Variants in AIG1 observed in about 807,000 individuals in gnomAD.
AIG1 encodes the protein androgen-induced gene 1 protein.
Under a neutral mutation model 31.4 loss-of-function variants are expected in AIG1, and 23 were observed. That is an observed-to-expected ratio of 0.73 (90% CI 0.53 to 1.04). The LOEUF (loss-of-function observed/expected upper bound fraction) is 1.04, where lower values mean the gene tolerates loss of function less well. Among genes scored for constraint, AIG1 ranks in the 50% least tolerant of loss-of-function variants. The pLI, the probability that AIG1 is intolerant of heterozygous loss-of-function variation, is 0.00. For synonymous variants in AIG1, 100 were observed against 110.5 expected, an observed-to-expected ratio of 0.90 and a Z score of 0.60; for missense variants, 274 against 295.0, an observed-to-expected ratio of 0.93 and a Z score of 0.52.
chr6:143,182,407 A>G (rs950165575), intron 3 of AIG1, among the ~76,000 whole-genome samples: 1 of 152,112 alleles, frequency 6.6e-6, no homozygotes, highest in African/African-American at 2.4e-5. Context: ...GAATCAGTAG[A>G]TGTTAATGGA....
chr6:143,098,613 T>C (rs1779996204), intron 1 of AIG1, among the ~76,000 whole-genome samples: 1 of 152,214 alleles, frequency 6.6e-6, no homozygotes, highest in African/African-American at 2.4e-5. Context: ...AGCCCCAGTC[T>C]CTCTTGAGCT....
In AIG1 at chr6:143,186,010, T is replaced by G. The variant is rs150748783; in HGVS notation, c.399+20827T>G. Among the ~76,000 whole-genome samples, 136 of 152,304 alleles carry G rather than the reference T, an allele frequency of 8.9e-4. 1 individual carries two copies. The highest frequency in any genetic ancestry group is 3.0e-3 in the African/African-American group (125 of 41,554). On this transcript the variant is annotated intron_variant, in intron 3 of 5. Coordinates refer to ENST00000357847, the MANE Select transcript of AIG1 (RefSeq NM_016108.4). ...GATTTATAATTTTCAGGATCCATAT[T>G]CTTCTTTCAAACAAACAGCACAGCT...
upstream of AIG1, chr6:143,060,501 A>G (rs548862151): frequency 2.2e-5 from 5 of 225,646 alleles, no homozygotes; most frequent in African/African-American, 1.1e-4. Context: ...CCCGGCGCCC[A>G]CTAGCCACAG....
At chr6:143,201,827 G>A (rs759140092) in intron 3 of AIG1, among the ~76,000 whole-genome samples, 7 of 152,210 alleles carry the variant, frequency 4.6e-5, no homozygotes, top group Non-Finnish European at 8.8e-5. Context: ...ATGATTTGGT[G>A]GAAAGATAGC....
intron 1 of AIG1, among the ~76,000 whole-genome samples, chr6:143,084,946 A>C (rs2128471420): frequency 6.6e-6 from 1 of 152,222 alleles, no homozygotes; most frequent in Middle Eastern, 3.4e-3. Context: ...CATTGACTTA[A>C]CTGTAACTGA....
chr6:143,263,918 C>A (rs1795977765), intron 3 of AIG1, among the ~76,000 whole-genome samples: 1 of 152,114 alleles, frequency 6.6e-6, no homozygotes, highest in Non-Finnish European at 1.5e-5. Flanking sequence ...GTGTTTATTT[C>A]TTTTATTTAG....
At chr6:143,253,148 G>A (rs748935402) in intron 3 of AIG1, among the ~76,000 whole-genome samples, 1 of 152,210 alleles carries the variant, frequency 6.6e-6, no homozygotes, top group Non-Finnish European at 1.5e-5. Context: ...CCGCACTCGA[G>A]GGCATGAATA....
At chr6:143,110,067 G>A (rs77931068) in intron 1 of AIG1, among the ~76,000 whole-genome samples, 6,484 of 152,192 alleles carry the variant, frequency 0.043, 193 homozygotes, top group Middle Eastern at 0.099. Context: ...TAGGAGGCAA[G>A]GATCATTTTT....
At position 143,325,307 on chromosome 6, in the gene AIG1, TTC is replaced by T. The variant is rs1286584657; in HGVS notation, c.516-7974_516-7973del. Reference sequence around the variant, plus strand: ...TTCCAAGGCCCTTTCATGGGCCCACTTCCTTCAGACCCTGTACTCTTCCTGGG... The same window carrying T: ...TTCCAAGGCCCTTTCATGGGCCCACTCTTCAGACCCTGTACTCTTCCTGGG... On this transcript the variant is annotated intron_variant, in intron 4 of 5. Transcript: ENST00000357847. This position sits in a 1 kb window ranked among gnomAD's most constrained non-coding sequence, Gnocchi z 4.3. 8.1e-3 allele frequency among the ~76,000 whole-genome samples: 1,234 copies of T among 152,316 alleles called. 7 individuals carry two copies. Among genetic ancestry groups the T allele is most frequent in the African/African-American group, 0.029 (1,185 of 41,566 alleles).
chr6:143,230,297 A>G (rs1793346983), intron 3 of AIG1, among the ~76,000 whole-genome samples: 1 of 151,848 alleles, frequency 6.6e-6, no homozygotes, highest in East Asian at 1.9e-4. Flanking sequence ...AAATTTAAAT[A>G]CATATTAAAG....
chr6:143,060,863 C>A, upstream of AIG1: 1 of 1,170,170 alleles, frequency 8.5e-7, no homozygotes, highest in Non-Finnish European at 1.1e-6. Context: ...CGCCCCCGCG[C>A]GCCCGGCGCC....
chr6:143,297,744 G>A lies in AIG1; in HGVS notation c.515+13519G>A, dbSNP rs180903936. On this transcript the variant is annotated intron_variant, in intron 4 of 5. Coordinates refer to ENST00000357847, the MANE Select transcript of AIG1 (RefSeq NM_016108.4). The surrounding 1 kb of genome is among the most constrained non-coding windows in gnomAD (Gnocchi z 5.1). ...ACACTGCCTCTCCTCCAATTTTCAT[G>A]TCTCAGCCAGATAGTTTTTTTAAAA... Among the ~76,000 whole-genome samples the A allele has an allele frequency of 3.6e-3, 544 of 152,258 alleles. No individual in the cohort carries two copies. The highest frequency in any genetic ancestry group is 5.3e-3 in the Non-Finnish European group (363 of 68,022).
At chr6:143,092,802 C>T (rs896333844) in intron 1 of AIG1, among the ~76,000 whole-genome samples, 2 of 152,082 alleles carry the variant, frequency 1.3e-5, no homozygotes, top group Non-Finnish European at 1.5e-5. Context: ...GTAATCCCAG[C>T]GTTTTGAGAG....
intron 3 of AIG1, among the ~76,000 whole-genome samples, chr6:143,204,045 G>A (rs1359579247): frequency 6.6e-6 from 1 of 152,168 alleles, no homozygotes; most frequent in Admixed American, 6.5e-5. Flanking sequence ...GAAAAATTGA[G>A]CAGATTTGTA....
At chr6:143,159,804 G>A (rs575503044) in intron 2 of AIG1, among the ~76,000 whole-genome samples, 1 of 152,258 alleles carries the variant, frequency 6.6e-6, no homozygotes, top group African/African-American at 2.4e-5. Context: ...TTGCATGGGG[G>A]CCATCAGAGA....
intron 3 of AIG1, 122 bp downstream of exon 3, chr6:143,165,305 A>G (rs1786816731): frequency 1.4e-6 from 1 of 692,256 alleles, no homozygotes; most frequent in Non-Finnish European, 2.5e-6. Context: ...GAAGGTTATA[A>G]TGGGAGATTA....
chr6:143,286,881 G>A (rs549746444), intron 4 of AIG1, among the ~76,000 whole-genome samples: 68 of 151,744 alleles, frequency 4.5e-4, no homozygotes, highest in African/African-American at 1.6e-3. Context: ...GGTAGTGAGA[G>A]TAGAGAAAGT....
intron 3 of AIG1, among the ~76,000 whole-genome samples, chr6:143,257,796 AG>A (rs1487714962): frequency 3.3e-5 from 5 of 152,138 alleles, no homozygotes; most frequent in Admixed American, 3.3e-4. Context: ...TGCTGTGCTA[AG>A]GGCCTTGGAG....
Position 143,333,273 on chromosome 6 carries a change from C to G in AIG1, c.516-9C>G, listed in dbSNP as rs768769709. On this transcript the variant is annotated splice_polypyrimidine_tract_variant and intron_variant, in intron 4 of 5. Transcript: ENST00000357847. The surrounding 1 kb of genome is among the most constrained non-coding windows in gnomAD (Gnocchi z 4.6). ...TCCTGTCCTTGTCTCCTTTCCGATT[C>G]TTTTGCAGGGTGTGCTGGGTGCATC... is the stretch of plus-strand genomic sequence containing the variant. The G allele has an allele frequency of 7.5e-6, 12 of 1,599,790 alleles. No individual in the cohort carries two copies. The highest frequency in any genetic ancestry group is 9.4e-6 in the Non-Finnish European group (11 of 1,173,878).
Sources: gnomAD v4.1 joint callset for allele counts (sites outside exome capture counted in the v4.1 genomes callset) on GRCh38, gnomAD v4.1.1 for gene constraint, Gnocchi (gnomAD v3.1) non-coding constraint, MANE v1.5 for transcripts, NCBI Gene and HGNC (gene_info 2026-07-23, HGNC 2026-07-21) for gene names.